PDE8B: variants seen among roughly 807,000 people sequenced by gnomAD.
PDE8B encodes the protein phosphodiesterase 8B, also known as high affinity cAMP-specific and IBMX-insensitive 3',5'-cyclic phosphodiesterase 8B.
A neutral mutation model predicts 101.3 loss-of-function variants in PDE8B; 26 were observed. That is an observed-to-expected ratio of 0.26 (90% confidence interval 0.19 to 0.36). The LOEUF is 0.36. Ranked by LOEUF, PDE8B falls within the 10% of genes least tolerant of loss-of-function variation. The pLI is 1.00. For missense variants in PDE8B, 810 were observed against 1,163.1 expected (o/e 0.70, Z 4.42); for synonymous variants, 424 against 429.3 (o/e 0.99, Z 0.15).
At chr5:77,208,989 T>A (rs762809488), upstream of PDE8B, among the ~76,000 whole-genome samples, 8 of 152,120 alleles carry the variant, frequency 5.3e-5, no homozygotes, top group Non-Finnish European at 1.2e-4. Flanking sequence ...ATTCCCTCCC[T>A]TTATTTCCTC....
intron 18 of PDE8B, among the ~76,000 whole-genome samples, chr5:77,418,677 A>T (rs930451792): frequency 6.6e-6 from 1 of 152,234 alleles, no homozygotes; most frequent in Non-Finnish European, 1.5e-5. Flanking sequence ...AGAACACTAC[A>T]TAAATATTGA....
At chr5:77,377,826 T>C (rs1357378773) in intron 10 of PDE8B, among the ~76,000 whole-genome samples, 1 of 152,106 alleles carries the variant, frequency 6.6e-6, no homozygotes, top group Non-Finnish European at 1.5e-5. Flanking sequence ...ACGTTCATCA[T>C]CTCCTTCCCC....
chr5:77,170,127 A>T, the PDE8B span, among the ~76,000 whole-genome samples: 1 of 152,210 alleles, frequency 6.6e-6, no homozygotes, highest in East Asian at 1.9e-4. Context: ...TCCTAAGAGC[A>T]GTTTTGGGCA....
chr5:77,228,662 T>C (rs1215835088), intron 1 of PDE8B, among the ~76,000 whole-genome samples: 1 of 152,110 alleles, frequency 6.6e-6, no homozygotes, highest in East Asian at 1.9e-4. Context: ...AAACCATGTG[T>C]GGAAGACATA....
At chr5:77,119,896 G>A in the PDE8B span, among the ~76,000 whole-genome samples, 2 of 152,086 alleles carry the variant, frequency 1.3e-5, no homozygotes, top group African/African-American at 4.8e-5. Flanking sequence ...TGTAGTCCTA[G>A]CTACTTAGGA....
the PDE8B span, among the ~76,000 whole-genome samples, chr5:77,186,070 G>T: frequency 6.6e-6 from 1 of 152,152 alleles, no homozygotes; most frequent in African/African-American, 2.4e-5. Flanking sequence ...AAAAATGGTG[G>T]CTATTATTAT....
chr5:77,406,228 TGA>T (rs1793411992), intron 12 of PDE8B, among the ~76,000 whole-genome samples: 1 of 152,098 alleles, frequency 6.6e-6, no homozygotes, highest in Non-Finnish European at 1.5e-5. Flanking sequence ...GAGGTTGTGG[TGA>T]GCTAGATCGT....
At chr5:77,349,352 C>T in intron 7 of PDE8B, 67 bp from the exon 8 acceptor site, 2 of 1,593,170 alleles carry the variant, frequency 1.3e-6, no homozygotes, top group Non-Finnish European at 8.6e-7. Flanking sequence ...TCCTACGGGG[C>T]ACACAGACAT....
chr5:77,173,013 G>C, the PDE8B span, among the ~76,000 whole-genome samples: 1 of 152,192 alleles, frequency 6.6e-6, no homozygotes, highest in Non-Finnish European at 1.5e-5. Context: ...ATATAGGGTA[G>C]AGTCTCATCA....
the PDE8B span, among the ~76,000 whole-genome samples, chr5:77,167,390 G>T: frequency 6.6e-6 from 1 of 152,236 alleles, no homozygotes; most frequent in Non-Finnish European, 1.5e-5. Context: ...GGAATAGCTA[G>T]ATTTACAAAG....
At chr5:77,179,837 A>G in the PDE8B span, among the ~76,000 whole-genome samples, 59 of 152,324 alleles carry the variant, frequency 3.9e-4, no homozygotes, top group Admixed American at 7.2e-4. Flanking sequence ...TCAGGATTAC[A>G]GGCCTGAGCC....
intron 2 of PDE8B, among the ~76,000 whole-genome samples, chr5:77,316,298 A>G (rs558512678): frequency 1.2e-3 from 187 of 152,256 alleles, no homozygotes; most frequent in African/African-American, 4.1e-3. Context: ...CAGTGGCACG[A>G]TCTCGGCTCA....
the PDE8B span, chr5:77,088,486 T>A: frequency 4.1e-4 from 4 of 9,744 alleles, no homozygotes; most frequent in African/African-American, 1.5e-3. Flanking sequence ...AGTGCCGGGG[T>A]GGGGGCGGGG....
chr5:77,358,510 T>A (rs1782522273), intron 10 of PDE8B: 2 of 831,704 alleles, frequency 2.4e-6, no homozygotes, highest in Non-Finnish European at 2.9e-6. Context: ...TACTTCCTCC[T>A]ATGTATGCCC....
the PDE8B span, chr5:77,180,455 A>G: frequency 1.0e-6 from 1 of 985,292 alleles, no homozygotes; most frequent in Non-Finnish European, 1.2e-6. Context: ...GCCGGCATGG[A>G]CCAGCTGTAC....
intron 16 of PDE8B, 66 bp downstream of exon 16, chr5:77,412,301 A>G (rs1794719669): frequency 2.6e-6 from 4 of 1,557,230 alleles, no homozygotes; most frequent in Non-Finnish European, 3.5e-6. Flanking sequence ...TCACATTTGG[A>G]AACTTTGAGG....
intron 10 of PDE8B, among the ~76,000 whole-genome samples, chr5:77,361,034 A>G (rs1482005729): frequency 1.3e-5 from 2 of 152,218 alleles, no homozygotes; most frequent in Admixed American, 1.3e-4. Flanking sequence ...AGCAAATTTT[A>G]TTTGTAAGAA....
At chr5:77,258,532 T>A (rs1339900049) in intron 1 of PDE8B, among the ~76,000 whole-genome samples, 2 of 152,068 alleles carry the variant, frequency 1.3e-5, no homozygotes, top group Non-Finnish European at 2.9e-5. Flanking sequence ...AGCCTAAAAC[T>A]GAAAACAGTA....
the PDE8B span, among the ~76,000 whole-genome samples, chr5:77,200,333 A>G: frequency 6.6e-6 from 1 of 152,222 alleles, no homozygotes; most frequent in African/African-American, 2.4e-5. Flanking sequence ...ATCACGAATA[A>G]AAATTTGCAA....
Sources: allele counts gnomAD v4.1 joint callset (sites outside exome capture counted in the v4.1 genomes callset), GRCh38; gene constraint gnomAD v4.1.1; transcripts MANE v1.5; gene names NCBI Gene and HGNC (gene_info 2026-07-23, HGNC 2026-07-21).